The following NRP1 variants were observed in gnomAD, a reference collection of about 807,000 sequenced individuals.
The protein encoded by NRP1 is neuropilin 1.
In NRP1, 35 loss-of-function variants were observed where a neutral mutation model predicts 106.7. The ratio of observed to expected loss-of-function variants is 0.33; its 90% CI spans 0.25 to 0.43. NRP1 has a LOEUF of 0.43. Ranked by LOEUF, NRP1 falls within the 20% of genes least tolerant of loss-of-function variation. The pLI is 1.00. For missense variants in NRP1, 1,024 were observed against 1,170.4 expected (o/e 0.87, Z 1.83); for synonymous variants, 437 against 417.9 (o/e 1.05, Z -0.56).
intron 2 of NRP1, among the ~76,000 whole-genome samples, chr10:33,314,953 G>T (rs978394405): frequency 6.6e-6 from 1 of 152,192 alleles, no homozygotes; most frequent in Non-Finnish European, 1.5e-5. Flanking sequence ...ACGGAAGCAG[G>T]CTCTAAATTA....
chr10:33,190,936 C>A (rs1334234089), intron 13 of NRP1, among the ~76,000 whole-genome samples: 1 of 152,024 alleles, frequency 6.6e-6, no homozygotes, highest in East Asian at 1.9e-4. Context: ...TCACTGCAGC[C>A]TTGAACTCCT....
intron 6 of NRP1, among the ~76,000 whole-genome samples, chr10:33,228,655 C>T (rs11009309): frequency 0.013 from 1,995 of 152,100 alleles, 47 homozygotes; most frequent in African/African-American, 0.046. Context: ...GGAAAAACAG[C>T]ACATAGAAGC....
chr10:33,196,734 T>C (rs1273235292), intron 12 of NRP1, among the ~76,000 whole-genome samples: 1 of 152,140 alleles, frequency 6.6e-6, no homozygotes, highest in African/African-American at 2.4e-5. Flanking sequence ...GACAGCGTCC[T>C]TTAAGGAAGC....
At chr10:33,189,063 C>A (rs1285037445) in intron 13 of NRP1, among the ~76,000 whole-genome samples, 1 of 151,554 alleles carries the variant, frequency 6.6e-6, no homozygotes, top group Non-Finnish European at 1.5e-5. Context: ...CTTTTATCCA[C>A]CCCCATCCTG....
intron 2 of NRP1, among the ~76,000 whole-genome samples, chr10:33,314,003 G>C (rs6481846): frequency 9.5e-5 from 10 of 105,142 alleles, no homozygotes; most frequent in African/African-American, 2.0e-4. Flanking sequence ...CCCTCCTTTC[G>C]TTTTCCTTCC....
chr10:33,222,498 G>T (rs1378190060), intron 7 of NRP1, among the ~76,000 whole-genome samples: 1 of 104,046 alleles, frequency 9.6e-6, no homozygotes, highest in African/African-American at 3.2e-5. Flanking sequence ...TGTGCGTCAA[G>T]ATTTATTTAT....
Position 33,253,802 on chromosome 10 carries a change from A to G in NRP1, c.981+226T>C, listed in dbSNP as rs61760414. On this transcript the variant is annotated intron_variant, in intron 6 of 16. Transcript: ENST00000374867. ...AGATAAATGCGTTTTCAGGGATGTC[A>G]TCTTGGGCCTGCTTTTCTCTGATCG... 3.2e-3 allele frequency among the ~76,000 whole-genome samples: 486 copies of G among 152,314 alleles called. 2 individuals carry two copies. Among genetic ancestry groups the G allele is most frequent in the African/African-American group, 0.01 (429 of 41,570 alleles).
intron 2 of NRP1, among the ~76,000 whole-genome samples, chr10:33,306,103 G>A (rs546301996): frequency 6.6e-6 from 1 of 152,146 alleles, no homozygotes; most frequent in Non-Finnish European, 1.5e-5. Context: ...CACTCCAGCT[G>A]TCATACATGT....
chr10:33,187,113 TCCTCCCACCTTGG>T (rs1836062997), intron 13 of NRP1, among the ~76,000 whole-genome samples: 1 of 152,066 alleles, frequency 6.6e-6, no homozygotes, highest in South Asian at 2.1e-4. Context: ...CCTCAAGCAA[TCCTCCCACCTTGG>T]CCTCCCAAAA....
intron 13 of NRP1, among the ~76,000 whole-genome samples, chr10:33,188,910 A>AATATATATATATAT (rs9299704): frequency 0.031 from 3,460 of 111,036 alleles, 95 homozygotes; most frequent in East Asian, 0.077. Context: ...CCCTGTCTTA[A>AATATATATATATAT]ATATATATAT....
chr10:33,303,110 G>T (rs1215028722), intron 2 of NRP1, among the ~76,000 whole-genome samples: 1 of 152,214 alleles, frequency 6.6e-6, no homozygotes, highest in African/African-American at 2.4e-5. Flanking sequence ...TTTATTTCTA[G>T]TTAATCACAC....
At chr10:33,278,541 A>G (rs1312469969) in intron 2 of NRP1, among the ~76,000 whole-genome samples, 3 of 152,174 alleles carry the variant, frequency 2.0e-5, no homozygotes, top group Admixed American at 2.0e-4. Context: ...CTTGCAGAAA[A>G]AAAAATAAAA....
intron 2 of NRP1, among the ~76,000 whole-genome samples, chr10:33,316,054 G>A (rs1481104940): frequency 1.3e-5 from 2 of 152,176 alleles, no homozygotes; most frequent in African/African-American, 4.8e-5. Flanking sequence ...GTTAAAAATG[G>A]TTACTTCCTT....
chr10:33,211,091 G>A (rs1588731614), intron 9 of NRP1, among the ~76,000 whole-genome samples: 1 of 152,288 alleles, frequency 6.6e-6, no homozygotes, highest in East Asian at 1.9e-4. Flanking sequence ...CTTGAATTGA[G>A]TATTTTGTGA....
rs112343844 is a variant in NRP1, at chr10:33,295,465, T to G, written c.249-24609A>C. Among the ~76,000 whole-genome samples the G allele has an allele frequency of 7.4e-4, 112 of 152,216 alleles. 1 individual carries two copies. The highest frequency in any genetic ancestry group is 1.1e-3 in the Non-Finnish European group (73 of 68,044). ...GCTCACGCCTGTAATCTCAGCATTT[T>G]GGGAGGCTGAGGTGGGAGGACTGCT... On this transcript the variant is annotated intron_variant, in intron 2 of 16. Transcript: ENST00000374867.
intron 2 of NRP1, among the ~76,000 whole-genome samples, chr10:33,312,152 T>C (rs1846649545): frequency 6.6e-6 from 1 of 152,216 alleles, no homozygotes; most frequent in South Asian, 2.1e-4. Context: ...AGGAATTGCA[T>C]TTATTATTTT....
chr10:33,206,397 C>T (rs781343605), intron 10 of NRP1: 2 of 502,384 alleles, frequency 4.0e-6, no homozygotes, highest in Non-Finnish European at 8.0e-6. Context: ...GATATGGAAA[C>T]AACCACACGG....
chr10:33,331,809 T>A (rs780353468), intron 1 of NRP1, among the ~76,000 whole-genome samples: 28 of 152,330 alleles, frequency 1.8e-4, no homozygotes, highest in Middle Eastern at 3.4e-3. Context: ...GATTTCATAC[T>A]GGAGCACCTC....
At chr10:33,270,200 AT>A (rs1325257233) in intron 3 of NRP1, among the ~76,000 whole-genome samples, 3 of 152,090 alleles carry the variant, frequency 2.0e-5, no homozygotes, top group African/African-American at 7.2e-5. Context: ...ACAATGGGTA[AT>A]TTACCTTTAT....
Sources: allele counts gnomAD v4.1 joint callset (sites outside exome capture counted in the v4.1 genomes callset), GRCh38; gene constraint gnomAD v4.1.1; transcripts MANE v1.5; gene names NCBI Gene and HGNC (gene_info 2026-07-23, HGNC 2026-07-21).